BRPF3: variants seen among roughly 807,000 people sequenced by gnomAD.
BRPF3 encodes the protein bromodomain and PHD finger-containing protein 3.
In BRPF3, 18 loss-of-function variants were observed where a neutral mutation model predicts 102.0. The ratio of observed to expected loss-of-function variants is 0.18; its 90% CI spans 0.12 to 0.26. The LOEUF (loss-of-function observed/expected upper bound fraction) is 0.26. Among genes scored for constraint, BRPF3 ranks in the 10% least tolerant of loss-of-function variants. BRPF3 has a pLI of 1.00. For synonymous variants in BRPF3, 570 were observed against 614.2 expected (o/e 0.93, Z 1.06); for missense variants, 1,147 against 1,567.8 (o/e 0.73, Z 4.53).
At chr6:36,198,471 A>G (rs1767585664) in intron 1 of BRPF3, among the ~76,000 whole-genome samples, 1 of 152,184 alleles carries the variant, frequency 6.6e-6, no homozygotes, top group African/African-American at 2.4e-5. Context: ...TCCCACTGAG[A>G]GGAATTGAGC....
chr6:36,210,126 A>G lies in BRPF3; in HGVS notation c.1867-90A>G. ...TGAGTTAGCCTGGCATGGCCAAATCAGAAATTGAGGAGGCCAAGAGTATTG... is the reference window on the plus strand; with the variant it reads ...TGAGTTAGCCTGGCATGGCCAAATCGGAAATTGAGGAGGCCAAGAGTATTG... On this transcript the variant is annotated intron_variant, in intron 5 of 12. Transcript: ENST00000357641. The surrounding 1 kb of genome is among the most constrained non-coding windows in gnomAD (Gnocchi z 4.7). The G allele has an allele frequency of 6.5e-7, 1 of 1,528,958 alleles. No homozygotes were observed. The highest frequency in any genetic ancestry group is 9.0e-7 in the Non-Finnish European group (1 of 1,109,324). 94.7% of individuals were successfully genotyped at this position (1,528,958 alleles called of 1,614,324 possible). A position where few individuals can be genotyped will look rare whatever the true frequency, so the allele number is the denominator to read the frequency against.
intron 3 of BRPF3, among the ~76,000 whole-genome samples, chr6:36,205,757 C>T (rs561965271): frequency 8.5e-5 from 13 of 152,292 alleles, no homozygotes; most frequent in African/African-American, 2.9e-4. Context: ...GCTATCTGCT[C>T]GTTTGCTTGG....
At position 36,213,906 on chromosome 6, in the gene BRPF3, A is replaced by G. The variant is rs1768223538; in HGVS notation, c.2509A>G (p.Thr837Ala). 5.6e-6 allele frequency: 9 copies of G among 1,608,222 alleles called. No individual in the cohort carries two copies. The highest frequency in any genetic ancestry group is 7.6e-6 in the Non-Finnish European group (9 of 1,176,670). ...RDDSKLPPPP[T>A]LEPTGPAPSL... ...TGACTCCAAACTGCCTCCTCCGCCA[A>G]CCCTGGAGCCCACTGGGCCTGCACC... The change falls in exon 8 of 13, where the codon ACC (threonine) becomes GCC (alanine). Residue 837 changes from threonine to alanine, a missense_variant. Coordinates refer to ENST00000357641, the MANE Select transcript of BRPF3 (RefSeq NM_015695.3).
At position 36,201,396 on chromosome 6, in the gene BRPF3, C is replaced by T; in HGVS notation, c.1074C>T (p.Leu358=). 22 of 1,614,178 alleles carry T rather than the reference C, an allele frequency of 1.4e-5. No homozygotes were observed. Among genetic ancestry groups the T allele is most frequent in the Non-Finnish European group, 1.9e-5 (22 of 1,180,028 alleles). The part of the protein sequence containing the change: ...FHVTCAQRAG[L]FMKIEPMRET... ...TGACATGTGCACAGCGGGCTGGGCTCTTCATGAAGATTGAGCCCATGCGCG... is the reference window on the plus strand; with the variant it reads ...TGACATGTGCACAGCGGGCTGGGCTTTTCATGAAGATTGAGCCCATGCGCG... Residue 358 remains leucine (L), a synonymous_variant, in exon 2 of 13, where the codon CTC becomes CTT. Transcript: ENST00000357641. This position sits in a 1 kb window ranked among gnomAD's most constrained non-coding sequence, Gnocchi z 5.1.
intron 9 of BRPF3, among the ~76,000 whole-genome samples, chr6:36,221,146 C>T (rs1768524029): frequency 6.6e-6 from 1 of 152,160 alleles, no homozygotes; most frequent in African/African-American, 2.4e-5. Flanking sequence ...TTTGAAAATA[C>T]TGATGATGCC....
chr6:36,216,945 C>T (rs1390127112), intron 8 of BRPF3, among the ~76,000 whole-genome samples: 1 of 152,156 alleles, frequency 6.6e-6, no homozygotes, highest in Admixed American at 6.5e-5. Context: ...GAGGTTGAGG[C>T]AGGGGATCAC....
rs765953683 is a variant in BRPF3, at chr6:36,200,969, G to C, written c.647G>C (p.Cys216Ser). The change falls in exon 2 of 13, where the codon TGT becomes TCT. Residue 216 changes from cysteine (C) to serine (S), a missense_variant. Cys to Ser is a moderately radical substitution (Grantham distance 112). Coordinates refer to ENST00000357641, the MANE Select transcript of BRPF3 (RefSeq NM_015695.3). The surrounding 1 kb of genome is among the most constrained non-coding windows in gnomAD (Gnocchi z 5.3). ...QSLIDEDAFC[C>S]VCLDDECHNS... ...CTCATCGATGAAGACGCTTTCTGCT[G>C]TGTGTGCCTGGATGATGAATGTCAC... 2 of 1,614,202 alleles carry C rather than the reference G, an allele frequency of 1.2e-6. No homozygotes were observed. Among genetic ancestry groups the C allele is most frequent in the South Asian group, 2.2e-5 (2 of 91,082 alleles).
At position 36,230,390 on chromosome 6, in the gene BRPF3, A is replaced by T; in HGVS notation, c.3435-36A>T. 1 of 1,604,950 alleles carries T rather than the reference A, an allele frequency of 6.2e-7. No homozygotes were observed. Among genetic ancestry groups the T allele is most frequent in the African/African-American group, 1.3e-5 (1 of 74,870 alleles). On this transcript the variant is annotated intron_variant, in intron 12 of 12. Transcript: ENST00000357641. This position sits in a 1 kb window ranked among gnomAD's most constrained non-coding sequence, Gnocchi z 5.4. ...GGAGCCCGAGCCCCCTGTGAGACCC[A>T]CTACTGCCCAGCCTCTTACTGTGCT...
chr6:36,219,487 C>T (rs9470232), intron 9 of BRPF3, among the ~76,000 whole-genome samples: 1 of 152,208 alleles, frequency 6.6e-6, no homozygotes, highest in Non-Finnish European at 1.5e-5. Context: ...CTATCCTTTT[C>T]TTGCTCTTGA....
intron 11 of BRPF3, among the ~76,000 whole-genome samples, chr6:36,227,500 G>T (rs1274341236): frequency 6.6e-6 from 1 of 151,984 alleles, no homozygotes; most frequent in African/African-American, 2.4e-5. Context: ...TTATTATTTT[G>T]GGACACAAAA....
At position 36,230,801 on chromosome 6, in the gene BRPF3, T is replaced by C; in HGVS notation, c.*192T>C. The stretch of plus-strand genomic sequence containing the variant: ...CATGGTTCTCCTGGCAGGCCTGCTG[T>C]GTGCCAAAAACTCCCACCCAAGGTC... On this transcript the variant is annotated 3_prime_UTR_variant, in exon 13 of 13. Transcript: ENST00000357641. This position sits in a 1 kb window ranked among gnomAD's most constrained non-coding sequence, Gnocchi z 5.4. The C allele has an allele frequency of 1.5e-6, 1 of 655,304 alleles. No individual in the cohort carries two copies. 40.6% of individuals were successfully genotyped at this position (655,304 alleles called of 1,614,324 possible). A position where few individuals can be genotyped will look rare whatever the true frequency, so the allele number is the denominator to read the frequency against.
At chr6:36,212,923 G>T (rs929676589) in intron 7 of BRPF3, among the ~76,000 whole-genome samples, 4 of 151,750 alleles carry the variant, frequency 2.6e-5, no homozygotes, top group Non-Finnish European at 4.4e-5. Context: ...ACTGTAGTCC[G>T]CAGTCCGGCC....
chr6:36,222,317 C>T, intron 10 of BRPF3, 52 bp downstream of exon 10: 1 of 1,485,558 alleles, frequency 6.7e-7, no homozygotes, highest in Non-Finnish European at 9.2e-7. Context: ...TCTGAGGAGC[C>T]AGCTCTTCAG....
rs1490159977 is a variant in BRPF3 at position 36,230,738 on chromosome 6, C to G, written c.*129C>G. The G allele has an allele frequency of 5.0e-6, 6 of 1,209,952 alleles. No individual in the cohort carries two copies. The highest frequency in any genetic ancestry group is 6.8e-6 in the Non-Finnish European group (6 of 878,292). 75.0% of individuals were successfully genotyped at this position (1,209,952 alleles called of 1,614,324 possible). A position where few individuals can be genotyped will look rare whatever the true frequency, so the allele number is the denominator to read the frequency against. Reference sequence around the variant, plus strand: ...CATGGTAGGCCAGGGACTGGGCTTTCTCCCCACTAAGGGCAAGGCCCCAGT... The same window carrying G: ...CATGGTAGGCCAGGGACTGGGCTTTGTCCCCACTAAGGGCAAGGCCCCAGT... On this transcript the variant is annotated 3_prime_UTR_variant, in exon 13 of 13. Coordinates refer to ENST00000357641, the MANE Select transcript of BRPF3 (RefSeq NM_015695.3). The surrounding 1 kb of genome is among the most constrained non-coding windows in gnomAD (Gnocchi z 5.4).
chr6:36,223,535 G>C (rs1172195634), intron 10 of BRPF3, among the ~76,000 whole-genome samples: 1 of 152,110 alleles, frequency 6.6e-6, no homozygotes, highest in Non-Finnish European at 1.5e-5. Flanking sequence ...TTTCTGTGTT[G>C]CCTTCTGTTT....
chr6:36,200,706 A>G lies in BRPF3; in HGVS notation c.384A>G (p.Pro128=). 1 of 1,614,174 alleles carries G rather than the reference A, an allele frequency of 6.2e-7. No homozygotes were observed. The highest frequency in any genetic ancestry group is 8.5e-7 in the Non-Finnish European group (1 of 1,180,022). Residue 128 remains proline, a synonymous_variant, in exon 2 of 13, where the codon CCA becomes CCG. Coordinates refer to ENST00000357641, the MANE Select transcript of BRPF3 (RefSeq NM_015695.3). The surrounding 1 kb of genome is among the most constrained non-coding windows in gnomAD (Gnocchi z 5.3). ...GTATGGTGGACTCAGGCATCCAGCC[A>G]GAAGCACCCCCGCTGCCTGCTGCCT... ...SFRMVDSGIQ[P]EAPPLPAAYY...
chr6:36,204,412 G>A (rs116645488), intron 2 of BRPF3: 1 of 523,164 alleles, frequency 1.9e-6, no homozygotes, highest in African/African-American at 1.9e-5. Flanking sequence ...TCTGGGAGAT[G>A]GTTCTTTTGG....
At chr6:36,213,665 T>G (rs1329378783) in intron 7 of BRPF3, among the ~76,000 whole-genome samples, 1 of 151,084 alleles carries the variant, frequency 6.6e-6, no homozygotes, top group Non-Finnish European at 1.5e-5. Flanking sequence ...ATCAGACCAC[T>G]GCACTCCAGC....
At position 36,211,307 on chromosome 6, in the gene BRPF3, G is replaced by A; in HGVS notation, c.2229G>A (p.Val743=). ...ACCGGGCCCATTTGTCCCCAGAGGT[G>A]CAGCTGAAGGAGCTGCTGGAGAAAC... ...PENRAHLSPE[V]QLKELLEKLD... is the part of the protein sequence containing the mutation. The change falls in exon 7 of 13, where the codon GTG becomes GTA. Residue 743 remains valine (V), a synonymous_variant. Coordinates refer to ENST00000357641, the MANE Select transcript of BRPF3 (RefSeq NM_015695.3). 1 of 1,614,246 alleles carries A rather than the reference G, an allele frequency of 6.2e-7. No homozygotes were observed. Among genetic ancestry groups the A allele is most frequent in the Non-Finnish European group, 8.5e-7 (1 of 1,180,042 alleles).
Sources: gnomAD v4.1 joint callset for allele counts (sites outside exome capture counted in the v4.1 genomes callset) on GRCh38, gnomAD v4.1.1 for gene constraint, Gnocchi (gnomAD v3.1) non-coding constraint, MANE v1.5 for transcripts, NCBI Gene and HGNC (gene_info 2026-07-23, HGNC 2026-07-21) for gene names.